The following NUP93 variants were observed in gnomAD, a reference collection of about 807,000 sequenced individuals.
NUP93 encodes nucleoporin 93.
In NUP93, 55 loss-of-function variants were observed where a neutral mutation model predicts 107.8. The ratio of observed to expected loss-of-function variants is 0.51; its 90% CI spans 0.41 to 0.64. The LOEUF (loss-of-function observed/expected upper bound fraction) is 0.64. Ranked by LOEUF, NUP93 falls within the 30% of genes least tolerant of loss-of-function variation. The pLI, the probability that NUP93 is intolerant of heterozygous loss-of-function variation, is 0.00. For synonymous variants in NUP93, 390 were observed against 397.5 expected (o/e 0.98, Z 0.22); for missense variants, 937 against 1,044.7 (o/e 0.90, Z 1.42).
In NUP93 at chr16:56,849,111, G is replaced by A. The variant is rs1222766911; in HGVS notation, c.*4502G>A. The A allele has an allele frequency of 6.6e-6, 1 of 152,206 alleles. No homozygotes were observed. The highest frequency in any genetic ancestry group is 1.5e-5 in the Non-Finnish European group (1 of 68,062). 9.4% of individuals were successfully genotyped at this position (152,206 alleles called of 1,614,324 possible). On this transcript the variant is annotated 3_prime_UTR_variant, in exon 22 of 22. Transcript: ENST00000308159. ...GCCAGGCTCCTCCCCACATCCTCTG[G>A]ATCAGCTCCACGTGCCTAGATTCAG...
chr16:56,807,744 C>T (rs1335669224), intron 5 of NUP93, among the ~76,000 whole-genome samples: 5 of 151,910 alleles, frequency 3.3e-5, no homozygotes, highest in African/African-American at 4.8e-5. Context: ...CAGTGTGGCC[C>T]GGGCGCGGTG....
chr16:56,812,443 G>A (rs1355224532), intron 5 of NUP93, among the ~76,000 whole-genome samples: 5 of 151,746 alleles, frequency 3.3e-5, no homozygotes, highest in Non-Finnish European at 2.9e-5. Context: ...TCCCGGGTTC[G>A]TGCCATTCTC....
At chr16:56,823,629 G>T in intron 7 of NUP93, 78 bp from the exon 8 acceptor site, 1 of 1,529,048 alleles carries the variant, frequency 6.5e-7, no homozygotes. Context: ...GCCCCCTTTG[G>T]AGGTCAGAGT....
At chr16:56,776,899 A>G (rs1316750013) in intron 3 of NUP93, among the ~76,000 whole-genome samples, 2 of 152,174 alleles carry the variant, frequency 1.3e-5, no homozygotes, top group Non-Finnish European at 2.9e-5. Flanking sequence ...ATATCTTATT[A>G]TTTCATGTAT....
At position 56,748,292 on chromosome 16, in the gene NUP93, G is replaced by T. The variant is rs1961856185; in HGVS notation, c.45G>T (p.Gln15His). 1.2e-6 allele frequency: 2 copies of T among 1,613,820 alleles called. No individual in the cohort carries two copies. The highest frequency in any genetic ancestry group is 2.7e-5 in the African/African-American group (2 of 74,922). Residue 15 changes from glutamine to histidine, a missense_variant, in exon 2 of 22, where the codon CAG becomes CAT. Physicochemically the swap from Gln to His is conservative, Grantham distance 24 (BLOSUM62 0). Coordinates refer to ENST00000308159, the MANE Select transcript of NUP93 (RefSeq NM_014669.5). ...GTGAGCTCCTTCAGCAAGCTGAACA[G>T]CTTGCTGCTGAGACTGAGGGCATCT... Reference protein sequence around the residue: ...GFGELLQQAEQLAAETEGISE... With the variant: ...GFGELLQQAEHLAAETEGISE...
chr16:56,834,642 C>T (rs1963873746), intron 15 of NUP93, 92 bp from the exon 16 acceptor site: 1 of 1,197,738 alleles, frequency 8.3e-7, no homozygotes, highest in Non-Finnish European at 1.2e-6. Context: ...TCCCATTCAT[C>T]CCATTTGATT....
At chr16:56,782,088 C>CAGTTTGGGG (rs1457646996) in intron 3 of NUP93, 1 of 985,268 alleles carries the variant, frequency 1.0e-6, no homozygotes. Context: ...TCAATTCAGG[C>CAGTTTGGGG]AGTTTGGGGT....
intron 3 of NUP93, among the ~76,000 whole-genome samples, chr16:56,772,536 TTC>T (rs1962340526): frequency 6.6e-6 from 1 of 152,222 alleles, no homozygotes; most frequent in South Asian, 2.1e-4. Context: ...CTCTGACCAT[TTC>T]TTACCTGTTT....
chr16:56,747,742 GTTC>G (rs1961845027), intron 1 of NUP93, among the ~76,000 whole-genome samples: 1 of 152,132 alleles, frequency 6.6e-6, no homozygotes, highest in African/African-American at 2.4e-5. Context: ...ATTGGAATTT[GTTC>G]TTCTTTCTTT....
chr16:56,810,078 G>T (rs772813845), intron 5 of NUP93, among the ~76,000 whole-genome samples: 3 of 152,064 alleles, frequency 2.0e-5, no homozygotes, highest in Admixed American at 6.6e-5. Flanking sequence ...TGCTCTTCTC[G>T]TAAAAATAGA....
chr16:56,789,413 C>CT (rs1331264991), intron 3 of NUP93, among the ~76,000 whole-genome samples: 2 of 152,144 alleles, frequency 1.3e-5, no homozygotes, highest in Non-Finnish European at 2.9e-5. Context: ...TTGTGTGAAC[C>CT]TTTTTTTAGC....
chr16:56,818,663 G>A lies in NUP93; in HGVS notation c.490-1G>A. On this transcript the variant is annotated splice_acceptor_variant, in intron 5 of 21. Coordinates refer to ENST00000308159, the MANE Select transcript of NUP93 (RefSeq NM_014669.5). LOFTEE classifies it high-confidence loss of function. ...GATTCTGAATGTGTATTTATCCACAGCCAAGCTACATCAGTGATGTGGGAC... is the reference window on the plus strand; with the variant it reads ...GATTCTGAATGTGTATTTATCCACAACCAAGCTACATCAGTGATGTGGGAC... The A allele has an allele frequency of 1.2e-6, 2 of 1,613,654 alleles. No individual in the cohort carries two copies. The highest frequency in any genetic ancestry group is 1.7e-6 in the Non-Finnish European group (2 of 1,179,596).
At chr16:56,788,475 C>G (rs1163544537) in intron 3 of NUP93, among the ~76,000 whole-genome samples, 1 of 152,146 alleles carries the variant, frequency 6.6e-6, no homozygotes, top group Non-Finnish European at 1.5e-5. Flanking sequence ...AGCATTTTTT[C>G]CATTAGTGCC....
At chr16:56,776,225 T>C (rs1192422994) in intron 3 of NUP93, among the ~76,000 whole-genome samples, 1 of 94,762 alleles carries the variant, frequency 1.1e-5, no homozygotes, top group Non-Finnish European at 2.6e-5. Flanking sequence ...GAAATACAGT[T>C]TTTTCCCCCC....
At chr16:56,737,516 A>C (rs1441835970) in intron 1 of NUP93, among the ~76,000 whole-genome samples, 1 of 152,080 alleles carries the variant, frequency 6.6e-6, no homozygotes, top group African/African-American at 2.4e-5. Flanking sequence ...CTTTCTCCCA[A>C]TCAGCACTCC....
At chr16:56,779,023 G>T (rs1962465988) in intron 3 of NUP93, among the ~76,000 whole-genome samples, 1 of 149,752 alleles carries the variant, frequency 6.7e-6, no homozygotes, top group East Asian at 1.9e-4. Flanking sequence ...CTGTATCTCA[G>T]AAAGCTGGGA....
At chr16:56,817,504 T>C (rs72786727) in intron 5 of NUP93, among the ~76,000 whole-genome samples, 13,555 of 152,252 alleles carry the variant, frequency 0.089, 808 homozygotes, top group Non-Finnish European at 0.13. Flanking sequence ...AGCTTTTTTT[T>C]ATAAATGAGA....
chr16:56,833,542 CTT>C, intron 13 of NUP93, 136 bp downstream of exon 13: 1 of 660,052 alleles, frequency 1.5e-6, no homozygotes, highest in Non-Finnish European at 2.4e-6. Context: ...GACAGTTGAG[CTT>C]TTTAGATGAT....
intron 5 of NUP93, among the ~76,000 whole-genome samples, chr16:56,811,813 T>A (rs1963321964): frequency 6.6e-6 from 1 of 152,214 alleles, no homozygotes; most frequent in Admixed American, 6.5e-5. Context: ...GTAAGGAATG[T>A]AGACTATGTA....
Sources: allele counts gnomAD v4.1 joint callset (sites outside exome capture counted in the v4.1 genomes callset), GRCh38; gene constraint gnomAD v4.1.1; transcripts MANE v1.5; gene names NCBI Gene and HGNC (gene_info 2026-07-23, HGNC 2026-07-21).